The following CAMK2D variants were observed in gnomAD, a reference collection of about 807,000 sequenced individuals.
CAMK2D encodes calcium/calmodulin-dependent protein kinase type II subunit delta.
Under a neutral mutation model 84.0 loss-of-function variants are expected in CAMK2D, and 37 were observed. That is an observed-to-expected ratio of 0.44 (90% confidence interval 0.34 to 0.58). The LOEUF (loss-of-function observed/expected upper bound fraction) is 0.58, where lower values mean the gene tolerates loss of function less well. CAMK2D is among the 20% of genes least tolerant of loss of function. The pLI is 0.02. For missense variants in CAMK2D, 448 were observed against 652.5 expected (o/e 0.69, Z 3.41); for synonymous variants, 202 against 212.5 (o/e 0.95, Z 0.43).
At chr4:113,625,966 A>G (rs945522006) in intron 3 of CAMK2D, among the ~76,000 whole-genome samples, 1 of 151,744 alleles carries the variant, frequency 6.6e-6, no homozygotes, top group Non-Finnish European at 1.5e-5. Context: ...GTGAGCCAAG[A>G]TTGCACCACT....
At chr4:113,681,847 T>TTG (rs1385713800) in intron 2 of CAMK2D, among the ~76,000 whole-genome samples, 1 of 152,056 alleles carries the variant, frequency 6.6e-6, no homozygotes, top group Non-Finnish European at 1.5e-5. Context: ...GTTTTACATA[T>TTG]GCCAGTAACA....
chr4:113,628,866 T>C (rs1345357440), intron 3 of CAMK2D, among the ~76,000 whole-genome samples: 29 of 152,096 alleles, frequency 1.9e-4, no homozygotes. Context: ...AAGGTTTGGC[T>C]GAACAATCTG....
chr4:113,661,832 A>T (rs1214087117), intron 2 of CAMK2D, 60 bp from the exon 3 acceptor site: 1 of 792,428 alleles, frequency 1.3e-6, no homozygotes, highest in Admixed American at 2.7e-5. Flanking sequence ...AAACACAATA[A>T]ACAGCATAAC....
chr4:113,513,463 G>T (rs1405421347), intron 11 of CAMK2D, 93 bp from the exon 12 acceptor site: 6 of 863,284 alleles, frequency 7.0e-6, no homozygotes, highest in Non-Finnish European at 1.2e-5. Flanking sequence ...TCTTTTCCTG[G>T]CCCTACTTTC....
chr4:113,702,142 C>A (rs560512467), intron 2 of CAMK2D, among the ~76,000 whole-genome samples: 1 of 152,304 alleles, frequency 6.6e-6, no homozygotes, highest in African/African-American at 2.4e-5. Context: ...ATAATACTGT[C>A]ACTTAATAAA....
chr4:113,756,617 T>C (rs577817142), intron 2 of CAMK2D, among the ~76,000 whole-genome samples: 5 of 152,226 alleles, frequency 3.3e-5, no homozygotes, highest in Admixed American at 2.6e-4. Flanking sequence ...AAAGACTTCA[T>C]AGGTTAAGAC....
At chr4:113,501,339 T>G (rs2098041910) in intron 15 of CAMK2D, among the ~76,000 whole-genome samples, 1 of 149,760 alleles carries the variant, frequency 6.7e-6, no homozygotes, top group Non-Finnish European at 1.5e-5. Flanking sequence ...TAATAATGTA[T>G]GAGTAAAATA....
chr4:113,659,968 G>A (rs909028695), intron 3 of CAMK2D, among the ~76,000 whole-genome samples: 7 of 152,056 alleles, frequency 4.6e-5, no homozygotes, highest in African/African-American at 1.4e-4. Context: ...TTTACCCATA[G>A]TATCCATTCA....
intron 2 of CAMK2D, chr4:113,753,969 T>C (rs1043078498): frequency 1.8e-5 from 18 of 977,452 alleles, no homozygotes; most frequent in Non-Finnish European, 2.2e-5. Context: ...TGTCTTCTAT[T>C]ATGTTTATTT....
chr4:113,662,932 T>C (rs1279442633), intron 2 of CAMK2D, among the ~76,000 whole-genome samples: 1 of 152,202 alleles, frequency 6.6e-6, no homozygotes, highest in African/African-American at 2.4e-5. Flanking sequence ...TAGATTTTTT[T>C]TGGCCATTTA....
intron 7 of CAMK2D, among the ~76,000 whole-genome samples, chr4:113,535,972 C>A (rs1324898257): frequency 6.6e-6 from 1 of 152,114 alleles, no homozygotes; most frequent in African/African-American, 2.4e-5. Flanking sequence ...TCTGTGATAG[C>A]CCCACTACTT....
intron 3 of CAMK2D, among the ~76,000 whole-genome samples, chr4:113,610,683 A>G (rs994297786): frequency 6.6e-6 from 1 of 151,868 alleles, no homozygotes; most frequent in African/African-American, 2.4e-5. Context: ...GGTGACTGGG[A>G]ATGCAGCCAA....
chr4:113,715,492 T>G (rs973277841), intron 2 of CAMK2D, among the ~76,000 whole-genome samples: 1 of 152,160 alleles, frequency 6.6e-6, no homozygotes, highest in Admixed American at 6.6e-5. Context: ...TTTTTAAACT[T>G]TGAATATAAA....
chr4:113,491,826 A>G (rs1414050144), intron 16 of CAMK2D, among the ~76,000 whole-genome samples: 1 of 151,888 alleles, frequency 6.6e-6, no homozygotes, highest in African/African-American at 2.4e-5. Flanking sequence ...AGAGCCTGTT[A>G]TTGGTCTATT....
At chr4:113,737,304 C>A (rs562423697) in intron 2 of CAMK2D, among the ~76,000 whole-genome samples, 154 of 152,236 alleles carry the variant, frequency 1.0e-3, no homozygotes, top group African/African-American at 3.7e-3. Context: ...AACTATTATT[C>A]ATTCTTAAAA....
At chr4:113,688,540 T>G (rs915901264) in intron 2 of CAMK2D, among the ~76,000 whole-genome samples, 1 of 152,110 alleles carries the variant, frequency 6.6e-6, no homozygotes, top group African/African-American at 2.4e-5. Context: ...TCTAAACACT[T>G]CCAGCTGCCA....
At chr4:113,515,239 A>T (rs763562874) in intron 9 of CAMK2D, 48 bp from the exon 10 acceptor site, 1 of 1,354,336 alleles carries the variant, frequency 7.4e-7, no homozygotes, top group Admixed American at 2.0e-5. Context: ...GACACACTCG[A>T]TCAAACAGGG....
At chr4:113,651,048 A>G (rs2099170541) in intron 3 of CAMK2D, among the ~76,000 whole-genome samples, 1 of 152,190 alleles carries the variant, frequency 6.6e-6, no homozygotes, top group Non-Finnish European at 1.5e-5. Context: ...CTGAATTATA[A>G]AAACTACTGA....
At chr4:113,657,640 G>A (rs1229112129) in intron 3 of CAMK2D, among the ~76,000 whole-genome samples, 1 of 151,912 alleles carries the variant, frequency 6.6e-6, no homozygotes, top group African/African-American at 2.4e-5. Flanking sequence ...TTACTTTTAA[G>A]GTCAGAAAAA....
Sources: allele counts gnomAD v4.1 joint callset (sites outside exome capture counted in the v4.1 genomes callset), GRCh38; gene constraint gnomAD v4.1.1; transcripts MANE v1.5; gene names NCBI Gene and HGNC (gene_info 2026-07-23, HGNC 2026-07-21).